The following VRK2 variants were observed in gnomAD, a reference collection of about 807,000 sequenced individuals.
VRK2 encodes the protein serine/threonine-protein kinase VRK2.
VRK2 carries 60 observed loss-of-function variants against 57.6 expected under a neutral mutation model. The observed-to-expected ratio is 1.04, with a 90% CI of 0.85 to 1.29. VRK2 has a LOEUF of 1.29. Among genes scored for constraint, VRK2 ranks in the 50% most tolerant of loss-of-function variants. The pLI is 0.00. For missense variants in VRK2, 705 were observed against 588.1 expected, an observed-to-expected ratio of 1.20 and a Z score of -2.06; for synonymous variants, 231 against 199.2, an observed-to-expected ratio of 1.16 and a Z score of -1.35.
intron 2 of VRK2, among the ~76,000 whole-genome samples, chr2:58,050,386 G>C (rs1240207454): frequency 6.6e-6 from 1 of 152,138 alleles, no homozygotes; most frequent in African/African-American, 2.4e-5. Context: ...ACTATGTGAG[G>C]ATAAGTATTG....
intron 1 of VRK2, among the ~76,000 whole-genome samples, chr2:57,949,095 G>A (rs1315351401): frequency 1.3e-5 from 2 of 152,014 alleles, no homozygotes; most frequent in Non-Finnish European, 2.9e-5. Context: ...GGGAATAGAA[G>A]TAGTTGTTTT....
chr2:58,033,550 G>A (rs1674181399), exon 3 of VRK2: 2 of 152,014 alleles, frequency 1.3e-5, no homozygotes. Flanking sequence ...CTGACCTCCA[G>A]ACTGTAAGAG....
chr2:58,051,327 A>G (rs1675705885), intron 2 of VRK2, among the ~76,000 whole-genome samples: 2 of 151,306 alleles, frequency 1.3e-5, no homozygotes, highest in African/African-American at 4.8e-5. Flanking sequence ...TTTCAGAAAA[A>G]AGGCTCCAGT....
intron 1 of VRK2, among the ~76,000 whole-genome samples, chr2:57,991,262 A>G (rs893711254): frequency 6.6e-6 from 1 of 151,952 alleles, no homozygotes; most frequent in African/African-American, 2.4e-5. Context: ...ATTCACTATG[A>G]TTTTATATCG....
intron 3 of VRK2, 84 bp downstream of exon 3, chr2:58,084,222 T>G (rs1311025285): frequency 1.4e-6 from 2 of 1,388,894 alleles, no homozygotes; most frequent in Non-Finnish European, 2.0e-6. Flanking sequence ...CGTTAATTTT[T>G]GTAACTATTG....
intron 2 of VRK2, among the ~76,000 whole-genome samples, chr2:58,080,355 A>G (rs1670684200): frequency 6.6e-6 from 1 of 151,992 alleles, no homozygotes; most frequent in Non-Finnish European, 1.5e-5. Context: ...GTTTTTAATT[A>G]TTAGTGTTTT....
chr2:57,962,792 A>G (rs1292107246), intron 1 of VRK2, among the ~76,000 whole-genome samples: 2 of 152,226 alleles, frequency 1.3e-5, no homozygotes, highest in South Asian at 4.1e-4. Context: ...TTTTCATTTT[A>G]CTGTCATCCT....
chr2:58,090,359 G>A (rs1281259204), intron 7 of VRK2, among the ~76,000 whole-genome samples: 1 of 142,076 alleles, frequency 7.0e-6, no homozygotes, highest in Non-Finnish European at 1.5e-5. Context: ...TGGTGCCATT[G>A]CACTCCATCC....
At chr2:57,991,469 C>G (rs1045004940) in intron 1 of VRK2, among the ~76,000 whole-genome samples, 2 of 151,838 alleles carry the variant, frequency 1.3e-5, no homozygotes, top group African/African-American at 2.4e-5. Context: ...GTTGTTTGGA[C>G]AGATGAATGC....
chr2:58,144,327 T>C (rs1681796719), intron 11 of VRK2, among the ~76,000 whole-genome samples: 1 of 152,014 alleles, frequency 6.6e-6, no homozygotes, highest in African/African-American at 2.4e-5. Context: ...ATGTACAGCA[T>C]GGTGACTGTA....
At chr2:58,131,955 GT>G (rs749877933) in intron 9 of VRK2, 27 bp downstream of exon 9, 1 of 1,613,430 alleles carries the variant, frequency 6.2e-7, no homozygotes, top group Non-Finnish European at 8.5e-7. Context: ...ATTTCATCAT[GT>G]ACTGCACCAG....
chr2:57,947,120 C>T lies in VRK2; in HGVS notation c.-439+39281C>T, dbSNP rs72947168. ...CGTGTATTAGCAGCTTTCCAAAACT[C>T]GTTACTTCATCAATGCCAGAGAACT... On this transcript the variant is annotated intron_variant, in intron 1 of 15. Transcript: ENST00000417641. Among the ~76,000 whole-genome samples, 648 of 152,190 alleles carry T rather than the reference C, an allele frequency of 4.3e-3. 9 individuals carry two copies. The highest frequency in any genetic ancestry group is 0.015 in the African/African-American group (624 of 41,528).
At chr2:58,074,132 C>G (rs1669748523) in intron 2 of VRK2, among the ~76,000 whole-genome samples, 1 of 152,078 alleles carries the variant, frequency 6.6e-6, no homozygotes, top group South Asian at 2.1e-4. Context: ...TTTGTGTTAG[C>G]ATGATAGATC....
intron 1 of VRK2, among the ~76,000 whole-genome samples, chr2:57,977,557 G>A (rs761642083): frequency 6.6e-6 from 1 of 151,444 alleles, no homozygotes; most frequent in African/African-American, 2.4e-5. Context: ...ACCGATTTTT[G>A]TACATTAATT....
intron 7 of VRK2, among the ~76,000 whole-genome samples, chr2:58,116,416 G>A (rs80242856): frequency 1.3e-5 from 2 of 151,516 alleles, no homozygotes; most frequent in African/African-American, 2.4e-5. Context: ...GGGCAGGTGG[G>A]GATAACTAAA....
intron 1 of VRK2, among the ~76,000 whole-genome samples, chr2:57,975,889 T>C (rs938819203): frequency 6.6e-5 from 10 of 151,964 alleles, no homozygotes; most frequent in Admixed American, 5.9e-4. Flanking sequence ...TAGTATCTGA[T>C]AGGTATTTTT....
At chr2:58,114,874 G>A (rs1028278225) in intron 7 of VRK2, among the ~76,000 whole-genome samples, 3 of 152,238 alleles carry the variant, frequency 2.0e-5, no homozygotes, top group Admixed American at 6.5e-5. Flanking sequence ...CAGTGAAAGC[G>A]TCTATTTAGA....
intron 1 of VRK2, among the ~76,000 whole-genome samples, chr2:57,991,507 T>G (rs1450550044): frequency 6.6e-6 from 1 of 152,218 alleles, no homozygotes; most frequent in Admixed American, 6.5e-5. Context: ...CTAAGGGAAG[T>G]AGAGTTTACT....
At chr2:57,958,777 A>G (rs895268629) in intron 1 of VRK2, among the ~76,000 whole-genome samples, 6 of 152,158 alleles carry the variant, frequency 3.9e-5, no homozygotes, top group Non-Finnish European at 7.4e-5. Flanking sequence ...TCATAAATTA[A>G]TATCATTGGT....
Sources: gnomAD v4.1 joint callset for allele counts (sites outside exome capture counted in the v4.1 genomes callset) on GRCh38, gnomAD v4.1.1 for gene constraint, MANE v1.5 for transcripts, NCBI Gene and HGNC (gene_info 2026-07-23, HGNC 2026-07-21) for gene names.